Variants in POP4 observed in about 807,000 individuals in gnomAD.
POP4 encodes ribonuclease P protein subunit p29.
POP4 carries 31 observed loss-of-function variants against 29.9 expected under a neutral mutation model. That is an observed-to-expected ratio of 1.04 (90% CI 0.78 to 1.40). The LOEUF (loss-of-function observed/expected upper bound fraction) is 1.40. POP4 is among the 40% of genes most tolerant of loss of function. POP4 has a pLI of 0.00. For missense variants in POP4, 286 were observed against 282.7 expected, an observed-to-expected ratio of 1.01 and a Z score of -0.08; for synonymous variants, 110 against 108.2, an observed-to-expected ratio of 1.02 and a Z score of -0.10.
chr19:29,608,987 C>G (rs1293340057), intron 2 of POP4: 1 of 350,128 alleles, frequency 2.9e-6, no homozygotes, highest in African/African-American at 2.1e-5. Context: ...GCTGTGCCCA[C>G]GTGGTGGGCA....
Position 29,608,262 on chromosome 19 carries a change from C to CTTTTTTTTTTTTTTTTT in POP4, c.8-389_8-373dup, listed in dbSNP as rs1164860504. ...TAGTTATTTTCTTTTCTTTTCTTTT[C>CTTTTTTTTTTTTTTTTT]TTTTTTTTTTTTTTTTTTTTTTGAG... On this transcript the variant is annotated intron_variant, in intron 1 of 6. Transcript: ENST00000585603. 4.5e-4 allele frequency among the ~76,000 whole-genome samples: 39 copies of CTTTTTTTTTTTTTTTTT among 86,576 alleles called. 1 individual carries two copies. The highest frequency in any genetic ancestry group is 1.3e-3 in the East Asian group (4 of 3,112). 56.8% of individuals were successfully genotyped at this position (86,576 alleles called of 152,430 possible). A position where few individuals can be genotyped will look rare whatever the true frequency, so the allele number is the denominator to read the frequency against.
intron 6 of POP4, among the ~76,000 whole-genome samples, chr19:29,614,504 TTTTTC>T (rs1287728766): frequency 5.9e-5 from 2 of 33,818 alleles, no homozygotes; most frequent in East Asian, 7.3e-4. Flanking sequence ...GTTCCTTTAA[TTTTTC>T]TTTTTTTTTT....
intron 2 of POP4, 23 bp from the exon 3 acceptor site, chr19:29,610,386 C>T (rs968783556): frequency 3.5e-5 from 54 of 1,534,890 alleles, no homozygotes; most frequent in Non-Finnish European, 4.4e-5. Flanking sequence ...CAGTGAGCGC[C>T]GCACCCCCTT....
chr19:29,609,532 G>A (rs1971040741), intron 2 of POP4, among the ~76,000 whole-genome samples: 1 of 152,228 alleles, frequency 6.6e-6, no homozygotes, highest in African/African-American at 2.4e-5. Context: ...AACTGCCCAG[G>A]TCTGTGGCAG....
chr19:29,612,767 A>G (rs1050274293), intron 5 of POP4, among the ~76,000 whole-genome samples: 2 of 152,170 alleles, frequency 1.3e-5, no homozygotes, highest in Admixed American at 6.5e-5. Context: ...AACAGTGTCT[A>G]TGTTTCTTCT....
chr19:29,611,556 G>A (rs956365735), intron 3 of POP4: 13 of 284,416 alleles, frequency 4.6e-5, no homozygotes, highest in South Asian at 8.5e-5. Context: ...TCAATTTCAC[G>A]TAACAGAAAA....
rs927352332 is a variant in POP4 at position 29,617,209 on chromosome 19, G to C, written c.*1829G>C. ...TGCAATGTAAAAGGCGTCCACTGTTGTGTAAATACACAGTTGCTTTCCAGA... is the reference window on the plus strand; with the variant it reads ...TGCAATGTAAAAGGCGTCCACTGTTCTGTAAATACACAGTTGCTTTCCAGA... On this transcript the variant is annotated 3_prime_UTR_variant, in exon 7 of 7. Transcript: ENST00000585603. 1 of 152,242 alleles carries C rather than the reference G, an allele frequency of 6.6e-6. No homozygotes were observed. Among genetic ancestry groups the C allele is most frequent in the Non-Finnish European group, 1.5e-5 (1 of 68,042 alleles). The allele number at this position is 152,242 out of a possible 1,614,324, so 9.4% of individuals were successfully genotyped here.
rs767356797 is a variant in POP4 at position 29,610,467 on chromosome 19, C to T, written c.119C>T (p.Pro40Leu). 2.5e-6 allele frequency: 4 copies of T among 1,602,386 alleles called. No homozygotes were observed. Among genetic ancestry groups the T allele is most frequent in the Non-Finnish European group, 3.4e-6 (4 of 1,174,596 alleles). ...FVRAFLKRSTPRMSPQAREDQ... is the reference protein window; with the variant it reads ...FVRAFLKRSTLRMSPQAREDQ... ...AGGGCCTTCCTGAAGCGCAGCACGC[C>T]CCGCATGAGCCCGCAGGCCCGCGAG... Residue 40 changes from proline to leucine, a missense_variant, in exon 3 of 7, where the codon CCC (proline) becomes CTC (leucine). Coordinates refer to ENST00000585603, the MANE Select transcript of POP4 (RefSeq NM_006627.3).
chr19:29,610,812 G>A, intron 3 of POP4, 180 bp downstream of exon 3: 1 of 630,936 alleles, frequency 1.6e-6, no homozygotes, highest in South Asian at 2.0e-5. Flanking sequence ...AGGCGGGTGA[G>A]ACAGGACTCA....
At chr19:29,611,726 A>C (rs774830347) in intron 3 of POP4, 136 bp from the exon 4 acceptor site, 2 of 704,688 alleles carry the variant, frequency 2.8e-6, no homozygotes, top group Non-Finnish European at 4.9e-6. Context: ...TCAATTGCTC[A>C]TCGTCGGATT....
chr19:29,610,261 C>T (rs543579567), intron 2 of POP4, 148 bp from the exon 3 acceptor site: 12 of 669,784 alleles, frequency 1.8e-5, no homozygotes, highest in African/African-American at 3.6e-5. Context: ...AGATGCATGG[C>T]GGATGAGCAG....
At chr19:29,615,034 G>T (rs1489703664) in intron 6 of POP4, among the ~76,000 whole-genome samples, 2 of 152,150 alleles carry the variant, frequency 1.3e-5, no homozygotes, top group Admixed American at 6.5e-5. Flanking sequence ...AAGATTAGGT[G>T]CCAAGCTACA....
chr19:29,606,706 G>A (rs1378858765), intron 1 of POP4, among the ~76,000 whole-genome samples: 1 of 152,108 alleles, frequency 6.6e-6, no homozygotes, highest in Non-Finnish European at 1.5e-5. Flanking sequence ...AGCTGCTGGG[G>A]AATGATATCA....
In POP4 at chr19:29,610,499, C is replaced by G. The variant is rs747928353; in HGVS notation, c.151C>G (p.Leu51Val). 1.2e-6 allele frequency: 2 copies of G among 1,612,366 alleles called. No homozygotes were observed. The highest frequency in any genetic ancestry group is 4.5e-5 in the East Asian group (2 of 44,860). Reference sequence around the variant, plus strand: ...GAGCCCGCAGGCCCGCGAGGACCAGCTGCAGCGCAAGGCGGTGGTCCTGGA... The same window carrying G: ...GAGCCCGCAGGCCCGCGAGGACCAGGTGCAGCGCAAGGCGGTGGTCCTGGA... ...RMSPQAREDQ[L>V]QRKAVVLEYF... The change falls in exon 3 of 7, where the codon CTG becomes GTG. Residue 51 changes from leucine to valine, a missense_variant. Leu to Val is a conservative substitution (Grantham distance 32). Transcript: ENST00000585603.
At chr19:29,608,585 T>C (rs1971031302) in intron 1 of POP4, 72 bp from the exon 2 acceptor site, 1 of 1,452,958 alleles carries the variant, frequency 6.9e-7, no homozygotes, top group African/African-American at 1.4e-5. Context: ...GTTATTTTCA[T>C]AGTTAGAAAA....
At chr19:29,612,055 T>C in intron 4 of POP4, 62 bp from the exon 5 acceptor site, 1 of 1,587,078 alleles carries the variant, frequency 6.3e-7, no homozygotes, top group Non-Finnish European at 8.6e-7. Context: ...GTTAAAGACC[T>C]AGTTGCTTCT....
chr19:29,615,566 G>A lies in POP4; in HGVS notation c.*186G>A, dbSNP rs1034999072. Reference sequence around the variant, plus strand: ...CAGCGTACTAAGTGAAGAAGTCAGAGGACAGAGGAATTTCTCTTTCTAGGA... The same window carrying A: ...CAGCGTACTAAGTGAAGAAGTCAGAAGACAGAGGAATTTCTCTTTCTAGGA... On this transcript the variant is annotated 3_prime_UTR_variant, in exon 7 of 7. Coordinates refer to ENST00000585603, the MANE Select transcript of POP4 (RefSeq NM_006627.3). The A allele has an allele frequency of 2.3e-5, 12 of 522,392 alleles. No individual in the cohort carries two copies. The highest frequency in any genetic ancestry group is 2.1e-4 in the African/African-American group (11 of 52,416). The allele number at this position is 522,392 out of a possible 1,614,324, so 32.4% of individuals were successfully genotyped here.
At chr19:29,609,530 AG>A (rs1390865348) in intron 2 of POP4, among the ~76,000 whole-genome samples, 5 of 152,244 alleles carry the variant, frequency 3.3e-5, no homozygotes, top group Non-Finnish European at 7.3e-5. Context: ...AGAACTGCCC[AG>A]GTCTGTGGCA....
At chr19:29,610,682 G>C in intron 3 of POP4, 50 bp downstream of exon 3, 1 of 1,573,732 alleles carries the variant, frequency 6.4e-7, no homozygotes, top group Non-Finnish European at 8.7e-7. Flanking sequence ...ACCCTTCTTG[G>C]TGTGTGAACT....
Sources: allele counts gnomAD v4.1 joint callset (sites outside exome capture counted in the v4.1 genomes callset), GRCh38; gene constraint gnomAD v4.1.1; transcripts MANE v1.5; gene names NCBI Gene and HGNC (gene_info 2026-07-23, HGNC 2026-07-21).